DGKB: variants seen among roughly 807,000 people sequenced by gnomAD.
DGKB encodes the protein diacylglycerol kinase beta, also known as 90 kDa diacylglycerol kinase.
Under a neutral mutation model 114.3 loss-of-function variants are expected in DGKB, and 67 were observed. The ratio of observed to expected loss-of-function variants is 0.59; its 90% CI spans 0.48 to 0.72. DGKB has a LOEUF of 0.72. Among genes scored for constraint, DGKB ranks in the 30% least tolerant of loss-of-function variants. The pLI, the probability that DGKB is intolerant of heterozygous loss-of-function variation, is 0.00. For synonymous variants in DGKB, 398 were observed against 323.1 expected (o/e 1.23, Z -2.49); for missense variants, 907 against 975.2 (o/e 0.93, Z 0.93).
upstream of DGKB, among the ~76,000 whole-genome samples, chr7:14,906,612 C>T (rs1302856784): frequency 6.6e-6 from 1 of 151,890 alleles, no homozygotes; most frequent in Non-Finnish European, 1.5e-5. Flanking sequence ...TGCCACCATG[C>T]CCAGCTAATT....
At chr7:14,889,554 C>A (rs1196690722) in intron 1 of DGKB, among the ~76,000 whole-genome samples, 1 of 151,506 alleles carries the variant, frequency 6.6e-6, no homozygotes, top group East Asian at 1.9e-4. Flanking sequence ...TCACAAATCA[C>A]TGCTTGGTTT....
chr7:14,739,737 T>C (rs753078103), intron 4 of DGKB, among the ~76,000 whole-genome samples: 13 of 152,200 alleles, frequency 8.5e-5, no homozygotes, highest in Non-Finnish European at 1.9e-4. Flanking sequence ...CAGAGGAAAC[T>C]GCACCCCTTG....
At chr7:14,532,986 C>T (rs1396156901) in intron 20 of DGKB, among the ~76,000 whole-genome samples, 1 of 151,742 alleles carries the variant, frequency 6.6e-6, no homozygotes, top group Non-Finnish European at 1.5e-5. Context: ...ATAAGGGTTA[C>T]ATGACACTAC....
chr7:14,620,221 T>C (rs1179128262), intron 15 of DGKB, among the ~76,000 whole-genome samples: 1 of 151,288 alleles, frequency 6.6e-6, no homozygotes, highest in Non-Finnish European at 1.5e-5. Context: ...CTCTAATATA[T>C]AATAATTTTA....
intron 22 of DGKB, among the ~76,000 whole-genome samples, chr7:14,339,359 G>A (rs1032521163): frequency 7.1e-5 from 9 of 127,292 alleles, no homozygotes; most frequent in East Asian, 4.5e-4. Context: ...ATGGAGGGCC[G>A]GGTAGATTGA....
At chr7:14,595,686 G>C (rs946444597) in intron 17 of DGKB, among the ~76,000 whole-genome samples, 4 of 151,408 alleles carry the variant, frequency 2.6e-5, no homozygotes, top group African/African-American at 9.7e-5. Flanking sequence ...TTACATCATA[G>C]GATTTCAAAT....
chr7:14,941,618 T>C (rs768375275), intron 1 of DGKB, among the ~76,000 whole-genome samples: 1 of 152,172 alleles, frequency 6.6e-6, no homozygotes, highest in South Asian at 2.1e-4. Flanking sequence ...AAACAATTAA[T>C]GAGGGTGATT....
At chr7:14,844,772 T>A (rs1848407756) in intron 1 of DGKB, among the ~76,000 whole-genome samples, 1 of 152,056 alleles carries the variant, frequency 6.6e-6, no homozygotes, top group Admixed American at 6.6e-5. Flanking sequence ...AATAATTATC[T>A]TAATTATATC....
intron 1 of DGKB, among the ~76,000 whole-genome samples, chr7:14,866,851 T>C (rs1281526539): frequency 1.3e-5 from 2 of 152,174 alleles, no homozygotes; most frequent in Non-Finnish European, 2.9e-5. Context: ...CCACCAGCAA[T>C]GAGTGAGAGT....
intron 21 of DGKB, among the ~76,000 whole-genome samples, chr7:14,447,015 G>A (rs1329917829): frequency 6.6e-6 from 1 of 152,110 alleles, no homozygotes; most frequent in Non-Finnish European, 1.5e-5. Context: ...AATTAACTAT[G>A]TTTCCTTAAC....
chr7:14,231,102 T>TCTTA (rs1791712376), intron 23 of DGKB, among the ~76,000 whole-genome samples: 1 of 119,842 alleles, frequency 8.3e-6, no homozygotes, highest in Non-Finnish European at 1.8e-5. Flanking sequence ...TTTCTTTCTT[T>TCTTA]CTTTCTTTCT....
chr7:14,909,929 G>C (rs775934528), intron 1 of DGKB, among the ~76,000 whole-genome samples: 9 of 152,066 alleles, frequency 5.9e-5, no homozygotes, highest in Non-Finnish European at 1.0e-4. Flanking sequence ...TGTATTAGCT[G>C]GGCACAGTGG....
chr7:14,921,272 C>T (rs185146697), intron 1 of DGKB, among the ~76,000 whole-genome samples: 1 of 152,076 alleles, frequency 6.6e-6, no homozygotes, highest in Non-Finnish European at 1.5e-5. Flanking sequence ...TGCCAATATT[C>T]GTTCATTAAT....
chr7:14,914,294 T>C (rs1463001860), intron 1 of DGKB, among the ~76,000 whole-genome samples: 1 of 152,050 alleles, frequency 6.6e-6, no homozygotes, highest in East Asian at 1.9e-4. Context: ...AGGACTCAGA[T>C]CCACTAAGAA....
At chr7:14,453,453 A>G (rs530007751) in intron 21 of DGKB, among the ~76,000 whole-genome samples, 130 of 152,268 alleles carry the variant, frequency 8.5e-4, no homozygotes, top group African/African-American at 3.0e-3. Flanking sequence ...ACTAGAAAGC[A>G]TTACACTTTG....
chr7:14,841,132 T>C (rs944104881), intron 2 of DGKB, 62 bp downstream of exon 2: 62 of 1,391,722 alleles, frequency 4.5e-5, no homozygotes, highest in Non-Finnish European at 6.0e-5. Flanking sequence ...TTCTTATAAA[T>C]AAATGATACT....
intron 21 of DGKB, among the ~76,000 whole-genome samples, chr7:14,450,426 A>G (rs185469279): frequency 6.6e-5 from 10 of 152,280 alleles, no homozygotes; most frequent in South Asian, 4.1e-4. Context: ...TTAATATGCC[A>G]AAGTTATATA....
At chr7:14,527,354 T>C (rs1485585831) in intron 20 of DGKB, among the ~76,000 whole-genome samples, 1 of 152,128 alleles carries the variant, frequency 6.6e-6, no homozygotes, top group Non-Finnish European at 1.5e-5. Flanking sequence ...GATAAATATT[T>C]GAAAACTTAT....
intron 13 of DGKB, among the ~76,000 whole-genome samples, chr7:14,652,421 T>A (rs1254153532): frequency 6.6e-6 from 1 of 151,588 alleles, no homozygotes; most frequent in African/African-American, 2.4e-5. Flanking sequence ...GTTTAATAAA[T>A]GGTGCTGGGA....
Sources: allele counts gnomAD v4.1 joint callset (sites outside exome capture counted in the v4.1 genomes callset), GRCh38; gene constraint gnomAD v4.1.1; transcripts MANE v1.5; gene names NCBI Gene and HGNC (gene_info 2026-07-23, HGNC 2026-07-21).